ST18: variants seen among roughly 807,000 people sequenced by gnomAD.
ST18 encodes suppression of tumorigenicity 18 protein.
Under a neutral mutation model 110.0 loss-of-function variants are expected in ST18, and 50 were observed. That is an observed-to-expected ratio of 0.45 (90% CI 0.36 to 0.58). The LOEUF is 0.58. ST18 is among the 20% of genes least tolerant of loss of function. ST18 has a pLI of 0.00. For missense variants in ST18, 1,306 were observed against 1,280.1 expected, an observed-to-expected ratio of 1.02 and a Z score of -0.31; for synonymous variants, 461 against 452.4, an observed-to-expected ratio of 1.02 and a Z score of -0.24.
At chr8:52,290,573 C>A (rs2095540712) in intron 2 of ST18, among the ~76,000 whole-genome samples, 1 of 152,196 alleles carries the variant, frequency 6.6e-6, no homozygotes, top group Admixed American at 6.5e-5. Flanking sequence ...CGTTGATTGG[C>A]TGACACAGAG....
chr8:52,234,682 A>T (rs1053937270), intron 2 of ST18, among the ~76,000 whole-genome samples: 4 of 151,986 alleles, frequency 2.6e-5, no homozygotes, highest in African/African-American at 9.7e-5. Flanking sequence ...AAAAATGCGG[A>T]ACCAACCCAA....
chr8:52,202,858 G>A (rs1050134127), intron 8 of ST18, among the ~76,000 whole-genome samples: 4 of 152,062 alleles, frequency 2.6e-5, no homozygotes, highest in African/African-American at 9.7e-5. Flanking sequence ...TTTGTTGGTG[G>A]GAAGGGGGAT....
At chr8:52,290,821 C>A (rs573086328) in intron 2 of ST18, among the ~76,000 whole-genome samples, 1 of 152,340 alleles carries the variant, frequency 6.6e-6, no homozygotes, top group African/African-American at 2.4e-5. Flanking sequence ...GCCTCTTGTG[C>A]TTTTCCTCCC....
At chr8:52,141,384 G>A (rs1281851615) in intron 17 of ST18, among the ~76,000 whole-genome samples, 2 of 152,226 alleles carry the variant, frequency 1.3e-5, no homozygotes, top group South Asian at 2.1e-4. Flanking sequence ...CACCAATGGT[G>A]TGGACAAGGT....
intron 8 of ST18, among the ~76,000 whole-genome samples, chr8:52,205,857 T>C (rs2079831759): frequency 6.6e-6 from 1 of 152,310 alleles, no homozygotes; most frequent in African/African-American, 2.4e-5. Context: ...GATGAGCCAC[T>C]ACGCCCGGCC....
intron 2 of ST18, among the ~76,000 whole-genome samples, chr8:52,297,644 T>G (rs2095655399): frequency 6.6e-6 from 1 of 152,136 alleles, no homozygotes; most frequent in East Asian, 1.9e-4. Flanking sequence ...CATCAAAACA[T>G]CATAAATTAT....
rs150295342 is a variant in ST18 at position 52,181,843 on chromosome 8, C to T, written c.87-1531G>A. Among the ~76,000 whole-genome samples the T allele has an allele frequency of 2.2e-3, 332 of 152,214 alleles. 1 individual carries two copies. The highest frequency in any genetic ancestry group is 7.2e-3 in the African/African-American group (301 of 41,538). On this transcript the variant is annotated intron_variant, in intron 8 of 25. Coordinates refer to ENST00000689386, the MANE Select transcript of ST18 (RefSeq NM_001352837.2). ...GCACAAAGAAGCGGAAACACCTTTA[C>T]GCTTGCCTTCTTTGTCAAAGGAGAC... is the stretch of plus-strand genomic sequence containing the variant.
At chr8:52,246,259 A>G (rs964930563) in intron 2 of ST18, among the ~76,000 whole-genome samples, 1 of 152,046 alleles carries the variant, frequency 6.6e-6, no homozygotes, top group African/African-American at 2.4e-5. Context: ...GGGAAAACTT[A>G]AACCAAATTC....
chr8:52,133,807 T>C (rs2131618205), intron 19 of ST18, among the ~76,000 whole-genome samples: 1 of 152,154 alleles, frequency 6.6e-6, no homozygotes, highest in East Asian at 1.9e-4. Flanking sequence ...CTTGGCTTAC[T>C]GCAACCTCCA....
intron 2 of ST18, among the ~76,000 whole-genome samples, chr8:52,271,088 T>C (rs765624460): frequency 2.6e-5 from 4 of 152,026 alleles, no homozygotes; most frequent in Non-Finnish European, 5.9e-5. Flanking sequence ...TTAGTAGAGA[T>C]GGGGTTTCAC....
intron 2 of ST18, among the ~76,000 whole-genome samples, chr8:52,316,676 C>T (rs1399558834): frequency 2.0e-5 from 3 of 152,202 alleles, no homozygotes; most frequent in South Asian, 4.1e-4. Flanking sequence ...TCACTATCAC[C>T]TATGTATAGA....
At chr8:52,229,220 T>C (rs537710774) in intron 3 of ST18, among the ~76,000 whole-genome samples, 1 of 152,352 alleles carries the variant, frequency 6.6e-6, no homozygotes, top group South Asian at 2.1e-4. Flanking sequence ...AGTTTTCTAT[T>C]GCTGCCATAA....
intron 16 of ST18, among the ~76,000 whole-genome samples, chr8:52,146,357 CCATTTCT>C (rs1347481123): frequency 6.6e-6 from 1 of 152,148 alleles, no homozygotes; most frequent in Non-Finnish European, 1.5e-5. Flanking sequence ...TTGCCACCTG[CCATTTCT>C]TCATTCTTCT....
chr8:52,166,885 C>A lies in ST18; in HGVS notation c.1171G>T (p.Gly391Trp). The A allele has an allele frequency of 6.2e-7, 1 of 1,603,288 alleles. No homozygotes were observed. The highest frequency in any genetic ancestry group is 8.5e-7 in the Non-Finnish European group (1 of 1,172,220). Residue 391 changes from glycine to tryptophan, a missense_variant, in exon 11 of 26, where the codon GGG becomes TGG. Gly to Trp is a radical substitution (Grantham distance 184, BLOSUM62 -2). Transcript: ENST00000689386. ...GLYPHHRSLS[G>W]CPHKVRVPLE... ...GGAACCCGCACTTTGTGGGGGCACC[C>A]CGAAAGGCTGCGGTGGTGCGGGTAG... is the stretch of plus-strand genomic sequence containing the variant.
chr8:52,211,992 A>G, intron 8 of ST18, 87 bp downstream of exon 8: 7 of 1,425,260 alleles, frequency 4.9e-6, no homozygotes, highest in Non-Finnish European at 6.8e-6. Flanking sequence ...CTGCTAAAAA[A>G]AGTATTCTGA....
chr8:52,165,286 C>A, intron 11 of ST18, 61 bp from the exon 12 acceptor site: 2 of 1,520,782 alleles, frequency 1.3e-6, no homozygotes, highest in East Asian at 2.3e-5. Context: ...AGCACACTAA[C>A]ACGTGTATCT....
chr8:52,192,874 G>A (rs2075018539), intron 8 of ST18, among the ~76,000 whole-genome samples: 1 of 152,182 alleles, frequency 6.6e-6, no homozygotes, highest in South Asian at 2.1e-4. Context: ...TGTCACCTGG[G>A]TTCTTGTTGC....
chr8:52,283,708 A>G (rs111811379), intron 2 of ST18, among the ~76,000 whole-genome samples: 2 of 152,194 alleles, frequency 1.3e-5, no homozygotes, highest in African/African-American at 4.8e-5. Flanking sequence ...CTTTGCATGG[A>G]GCAGTGGCCT....
intron 14 of ST18, among the ~76,000 whole-genome samples, chr8:52,160,047 G>A (rs2061019181): frequency 6.6e-6 from 1 of 151,848 alleles, no homozygotes; most frequent in African/African-American, 2.4e-5. Flanking sequence ...ATAATTACAA[G>A]AATATGAAAA....
Sources: gnomAD v4.1 joint callset for allele counts (sites outside exome capture counted in the v4.1 genomes callset) on GRCh38, gnomAD v4.1.1 for gene constraint, MANE v1.5 for transcripts, NCBI Gene and HGNC (gene_info 2026-07-23, HGNC 2026-07-21) for gene names.